TTC7B: variants seen among roughly 807,000 people sequenced by gnomAD.
The protein encoded by TTC7B is tetratricopeptide repeat protein 7B.
In TTC7B, 28 loss-of-function variants were observed where a neutral mutation model predicts 106.8. The observed-to-expected ratio is 0.26, with a 90% CI of 0.19 to 0.36. The LOEUF (loss-of-function observed/expected upper bound fraction) is 0.36, where lower values mean the gene tolerates loss of function less well. Ranked by LOEUF, TTC7B falls within the 10% of genes least tolerant of loss-of-function variation. TTC7B has a pLI of 1.00. For synonymous variants in TTC7B, 405 were observed against 430.6 expected, an observed-to-expected ratio of 0.94 and a Z score of 0.74; for missense variants, 862 against 1,076.4, an observed-to-expected ratio of 0.80 and a Z score of 2.79.
intron 9 of TTC7B, among the ~76,000 whole-genome samples, chr14:90,659,704 G>A (rs531524312): frequency 7.9e-5 from 12 of 152,288 alleles, no homozygotes; most frequent in African/African-American, 2.6e-4. Context: ...GGCTTTAGGG[G>A]ACACGGGAGG....
At chr14:90,681,034 T>C in intron 7 of TTC7B, among the ~76,000 whole-genome samples, 1 of 152,242 alleles carries the variant, frequency 6.6e-6, no homozygotes, top group Non-Finnish European at 1.5e-5. Context: ...AACTATCTTA[T>C]TTAGACACAT....
intron 3 of TTC7B, among the ~76,000 whole-genome samples, chr14:90,772,094 C>T (rs575207348): frequency 1.3e-5 from 2 of 151,308 alleles, no homozygotes; most frequent in South Asian, 2.1e-4. Context: ...ATTTTTAAAT[C>T]GAAGGGATTG....
chr14:90,780,490 G>GAAAGAAA (rs1891182016), intron 3 of TTC7B, among the ~76,000 whole-genome samples: 1 of 147,662 alleles, frequency 6.8e-6, no homozygotes, highest in African/African-American at 2.6e-5. Context: ...AAGAAAGAAA[G>GAAAGAAA]GAAAGAAACT....
chr14:90,627,565 G>C (rs1461972807), intron 15 of TTC7B, among the ~76,000 whole-genome samples: 1 of 152,208 alleles, frequency 6.6e-6, no homozygotes, highest in African/African-American at 2.4e-5. Flanking sequence ...GGGAGGCTGT[G>C]GTGAGTGGCA....
chr14:90,592,900 G>C (rs1322293351), intron 18 of TTC7B, among the ~76,000 whole-genome samples: 1 of 152,092 alleles, frequency 6.6e-6, no homozygotes, highest in Non-Finnish European at 1.5e-5. Flanking sequence ...GAGAGGGGCA[G>C]AGGAGCATAG....
intron 12 of TTC7B, among the ~76,000 whole-genome samples, chr14:90,653,141 G>A (rs1221082970): frequency 1.3e-5 from 2 of 152,170 alleles, no homozygotes. Context: ...TGAGTTGGGT[G>A]GTCACTCTTG....
intron 13 of TTC7B, among the ~76,000 whole-genome samples, chr14:90,651,919 T>C (rs1402423587): frequency 6.6e-6 from 1 of 152,226 alleles, no homozygotes; most frequent in Non-Finnish European, 1.5e-5. Context: ...GAAGGCCTCA[T>C]GAAATATTCG....
intron 17 of TTC7B, among the ~76,000 whole-genome samples, chr14:90,601,795 T>C (rs1892435485): frequency 6.6e-6 from 1 of 152,184 alleles, no homozygotes; most frequent in Admixed American, 6.5e-5. Flanking sequence ...TGACTCGCCC[T>C]TAAAACCAGG....
At chr14:90,797,899 G>A (rs2029979503) in intron 1 of TTC7B, among the ~76,000 whole-genome samples, 1 of 152,166 alleles carries the variant, frequency 6.6e-6, no homozygotes, top group East Asian at 1.9e-4. Context: ...TAAACACATG[G>A]AGCAGATCTC....
chr14:90,622,728 G>GC (rs1439280442), intron 15 of TTC7B, among the ~76,000 whole-genome samples: 1 of 151,962 alleles, frequency 6.6e-6, no homozygotes, highest in East Asian at 1.9e-4. Flanking sequence ...GTGAGACCCT[G>GC]CCCCCACTTC....
At chr14:90,721,875 G>T (rs1185851769) in intron 5 of TTC7B, among the ~76,000 whole-genome samples, 2 of 152,176 alleles carry the variant, frequency 1.3e-5, no homozygotes, top group African/African-American at 4.8e-5. Context: ...CCTAGTAAGG[G>T]TCTCCATCAA....
intron 5 of TTC7B, among the ~76,000 whole-genome samples, chr14:90,705,739 T>C (rs910912096): frequency 2.6e-5 from 4 of 152,178 alleles, no homozygotes; most frequent in African/African-American, 9.7e-5. Flanking sequence ...TTCTGGTTAA[T>C]TGCTTTGTTC....
At position 90,565,562 on chromosome 14, in the gene TTC7B, C is replaced by T. The variant is rs142517544; in HGVS notation, c.2310+12544G>A. Reference sequence around the variant, plus strand: ...GATTACAGGCATGCGCCACCATGCCCGGCTAATTTTTGTATTTTTAGTAGA... The same window carrying T: ...GATTACAGGCATGCGCCACCATGCCTGGCTAATTTTTGTATTTTTAGTAGA... On this transcript the variant is annotated intron_variant, in intron 19 of 19. Transcript: ENST00000328459. 5.5e-4 allele frequency among the ~76,000 whole-genome samples: 83 copies of T among 151,990 alleles called. 1 individual carries two copies. The East Asian group carries it at 9.9e-3, about 18-fold the overall frequency.
intron 19 of TTC7B, among the ~76,000 whole-genome samples, chr14:90,567,341 C>T (rs1890840958): frequency 6.6e-6 from 1 of 152,240 alleles, no homozygotes. Context: ...GCATGCCACA[C>T]AGCAGGGAGA....
chr14:90,546,364 C>T (rs1288378216), intron 19 of TTC7B, among the ~76,000 whole-genome samples: 1 of 152,260 alleles, frequency 6.6e-6, no homozygotes, highest in Non-Finnish European at 1.5e-5. Flanking sequence ...CCGGCTTGCT[C>T]TCTCCTCCGG....
intron 19 of TTC7B, among the ~76,000 whole-genome samples, chr14:90,574,140 C>T (rs1891161189): frequency 6.6e-6 from 1 of 152,222 alleles, no homozygotes; most frequent in Admixed American, 6.5e-5. Context: ...CCTCTCCCCA[C>T]CCCAGAACAT....
At position 90,525,385 on chromosome 14, in the gene TTC7B, G is replaced by C. The variant is rs1889122856; in HGVS notation, c.*15983C>G. ...ACAAATAAAGCTGCTATAAACATTTGCGGAGAAGTCTTTGTATTTGAGGGG... is the reference window on the plus strand; with the variant it reads ...ACAAATAAAGCTGCTATAAACATTTCCGGAGAAGTCTTTGTATTTGAGGGG... On this transcript the variant is annotated 3_prime_UTR_variant, in exon 20 of 20. Transcript: ENST00000328459. 6.6e-6 allele frequency: 1 copy of C among 152,228 alleles called. No homozygotes were observed. Among genetic ancestry groups the C allele is most frequent in the Non-Finnish European group, 1.5e-5 (1 of 68,038 alleles). 9.4% of individuals were successfully genotyped at this position (152,228 alleles called of 1,614,324 possible).
At chr14:90,610,362 T>C (rs1407144163) in intron 17 of TTC7B, among the ~76,000 whole-genome samples, 1 of 152,248 alleles carries the variant, frequency 6.6e-6, no homozygotes, top group Non-Finnish European at 1.5e-5. Context: ...TGTGTGTTTA[T>C]ATGTGCAACT....
chr14:90,771,989 T>C (rs1020034070), intron 3 of TTC7B, among the ~76,000 whole-genome samples: 9 of 146,612 alleles, frequency 6.1e-5, no homozygotes, highest in African/African-American at 9.9e-5. Flanking sequence ...TATGTATATA[T>C]TTATAATATA....
Sources: allele counts gnomAD v4.1 joint callset (sites outside exome capture counted in the v4.1 genomes callset), GRCh38; gene constraint gnomAD v4.1.1; transcripts MANE v1.5; gene names NCBI Gene and HGNC (gene_info 2026-07-23, HGNC 2026-07-21).